The following CTSH variants were observed in gnomAD, a reference collection of about 807,000 sequenced individuals.
The protein encoded by CTSH is pro-cathepsin H.
In CTSH, 52 loss-of-function variants were observed where a neutral mutation model predicts 56.3. That is an observed-to-expected ratio of 0.92 (90% confidence interval 0.74 to 1.16). The LOEUF (loss-of-function observed/expected upper bound fraction) is 1.16, where lower values mean the gene tolerates loss of function less well. Among genes scored for constraint, CTSH ranks in the 50% most tolerant of loss-of-function variants. The pLI is 0.00. For synonymous variants in CTSH, 174 were observed against 155.7 expected (o/e 1.12, Z -0.88); for missense variants, 406 against 424.5 (o/e 0.96, Z 0.38).
chr15:78,941,026 T>G (rs1356062351), intron 1 of CTSH, among the ~76,000 whole-genome samples: 1 of 152,180 alleles, frequency 6.6e-6, no homozygotes, highest in Non-Finnish European at 1.5e-5. Flanking sequence ...GTTGAACACC[T>G]ATCTCCATCC....
chr15:78,936,487 C>G (rs778588796), intron 3 of CTSH, among the ~76,000 whole-genome samples: 1 of 152,158 alleles, frequency 6.6e-6, no homozygotes, highest in African/African-American at 2.4e-5. Flanking sequence ...GTTAGCATCC[C>G]TGGAGGTCAC....
intron 9 of CTSH, 191 bp downstream of exon 9, chr15:78,927,522 A>T (rs934156744): frequency 1.7e-6 from 1 of 589,044 alleles, no homozygotes; most frequent in Admixed American, 2.9e-5. Context: ...CCTGCCTGCC[A>T]GTTTGCGCTC....
chr15:78,925,310 C>T, intron 10 of CTSH, 24 bp downstream of exon 10: 15 of 1,502,006 alleles, frequency 1.0e-5, no homozygotes, highest in Non-Finnish European at 1.4e-5. Flanking sequence ...ACTGTCCCTC[C>T]TGGCTCCTGG....
Position 78,945,037 on chromosome 15 carries a change from A to G in CTSH, c.-56T>C. On this transcript the variant is annotated 5_prime_UTR_variant, in exon 1 of 12. Transcript: ENST00000220166. The stretch of plus-strand genomic sequence containing the variant: ...AGGGTCCGCGGAGGTGGCGGCCCAG[A>G]GCGTCAACTGGGAGCGCGGGGGGGG... The G allele has an allele frequency of 5.0e-6, 7 of 1,389,278 alleles. No individual in the cohort carries two copies. The highest frequency in any genetic ancestry group is 6.6e-6 in the Non-Finnish European group (7 of 1,058,800). The allele number at this position is 1,389,278 out of a possible 1,614,324, so 86.1% of individuals were successfully genotyped here.
At chr15:78,925,543 G>T in intron 9 of CTSH, 103 bp from the exon 10 acceptor site, 1 of 734,224 alleles carries the variant, frequency 1.4e-6, no homozygotes, top group Non-Finnish European at 2.4e-6. Context: ...GCCCAGAGCA[G>T]CATGGATGGC....
At position 78,937,403 on chromosome 15, in the gene CTSH, C is replaced by G; in HGVS notation, c.144G>C (p.Thr48=). 1 of 1,614,140 alleles carries G rather than the reference C, an allele frequency of 6.2e-7. No homozygotes were observed. Among genetic ancestry groups the G allele is most frequent in the Non-Finnish European group, 8.5e-7 (1 of 1,180,004 alleles). The change falls in exon 3 of 12, where the codon ACG becomes ACC. Residue 48 remains threonine (T), a synonymous_variant. Coordinates refer to ENST00000220166, the MANE Select transcript of CTSH (RefSeq NM_004390.5). ...TCTGCAGCCTGTGGTGGTACTCCTC[C>G]GTACTGTAGGTCTTACGGTGCTAAA... ...WMSKHRKTYS[T]EEYHHRLQTF...
chr15:78,937,886 T>C (rs970186379), intron 2 of CTSH: 14 of 1,068,214 alleles, frequency 1.3e-5, no homozygotes, highest in African/African-American at 1.3e-4. Flanking sequence ...TTGGTAAATG[T>C]AATATTTCGA....
At chr15:78,930,832 C>T (rs1033870931) in intron 7 of CTSH, among the ~76,000 whole-genome samples, 3 of 152,132 alleles carry the variant, frequency 2.0e-5, no homozygotes, top group Admixed American at 6.5e-5. Context: ...AGTCGAGGCA[C>T]GGCACCCCAA....
chr15:78,932,481 G>A lies in CTSH; in HGVS notation c.406-23C>T. 3 of 1,588,620 alleles carry A rather than the reference G, an allele frequency of 1.9e-6. No homozygotes were observed. The South Asian group carries it at 3.3e-5, about 18-fold the overall frequency. On this transcript the variant is annotated intron_variant, in intron 5 of 11. Transcript: ENST00000220166. ...ACCCTGGAAAGGCCAGGGGAGAGCA[G>A]AGGACATCAGTGATGGGGACGCCGT...
At chr15:78,935,805 A>G in intron 3 of CTSH, 55 bp from the exon 4 acceptor site, 3 of 1,336,978 alleles carry the variant, frequency 2.2e-6, no homozygotes. Flanking sequence ...TCACTAATGA[A>G]GAAACAAGAA....
At chr15:78,927,674 A>C in intron 9 of CTSH, 39 bp downstream of exon 9, 1 of 1,594,012 alleles carries the variant, frequency 6.3e-7, no homozygotes, top group African/African-American at 1.3e-5. Flanking sequence ...CCTCCTCATC[A>C]GGACACATTC....
rs1390929829 is a variant in CTSH, at chr15:78,939,173, T to C, written c.92-2A>G. On this transcript the variant is annotated splice_acceptor_variant, in intron 1 of 11. Coordinates refer to ENST00000220166, the MANE Select transcript of CTSH (RefSeq NM_004390.5). LOFTEE classifies it high-confidence loss of function. ...TCCATGACTTGAAGTGAAACTTCTC[T>C]GTAAAAAGAAAAAAAAAATTAGGTC... 1.3e-6 allele frequency: 2 copies of C among 1,552,706 alleles called. No homozygotes were observed. Among genetic ancestry groups the C allele is most frequent in the Non-Finnish European group, 1.7e-6 (2 of 1,147,280 alleles).
chr15:78,930,682 G>C (rs2055037273), intron 7 of CTSH, among the ~76,000 whole-genome samples: 1 of 152,214 alleles, frequency 6.6e-6, no homozygotes, highest in South Asian at 2.1e-4. Flanking sequence ...CACTGAGCAT[G>C]ATGGTGGATC....
chr15:78,925,343 A>T lies in CTSH; in HGVS notation c.797T>A (p.Ile266Asn). 1 of 1,609,504 alleles carries T rather than the reference A, an allele frequency of 6.2e-7. No homozygotes were observed. The highest frequency in any genetic ancestry group is 8.5e-7 in the Non-Finnish European group (1 of 1,175,940). ...TQDFMMYRTG[I>N]YSSTSCHKTP... The stretch of plus-strand genomic sequence containing the variant: ...TGGGACCCTGACTCACCTGGAGTAG[A>T]TGCCGGTTCTATACATCATGAAGTC... The change falls in exon 10 of 12, where the codon ATC (isoleucine) becomes AAC (asparagine). Residue 266 changes from isoleucine to asparagine, a missense_variant. Transcript: ENST00000220166.
In CTSH at chr15:78,944,908, A is replaced by T. The variant is rs1447103926; in HGVS notation, c.74T>A (p.Leu25Gln). ...LGVPVCGAAE[L>Q]CVNSLEKFHF... ...CTGCGTACCTAAGGAGTTCACGCAC[A>T]GTTCGGCGGCACCGCAGACGGGGAC... Residue 25 changes from leucine (L) to glutamine (Q), a missense_variant, in exon 1 of 12, where the codon CTG (leucine) becomes CAG (glutamine). Physicochemically the swap from Leu to Gln is moderately radical, Grantham distance 113. Transcript: ENST00000220166. 2 of 1,548,562 alleles carry T rather than the reference A, an allele frequency of 1.3e-6. No homozygotes were observed. The highest frequency in any genetic ancestry group is 2.7e-5 in the African/African-American group (2 of 72,956).
chr15:78,938,977 A>G (rs2055232535), intron 2 of CTSH, among the ~76,000 whole-genome samples, 163 bp downstream of exon 2: 1 of 152,238 alleles, frequency 6.6e-6, no homozygotes. Context: ...AATTTACTTA[A>G]CTGCATCTTT....
chr15:78,921,242 C>T lies in CTSH; in HGVS notation c.*888G>A, dbSNP rs928887035. On this transcript the variant is annotated 3_prime_UTR_variant, in exon 12 of 12. Transcript: ENST00000220166. Reference sequence around the variant, plus strand: ...GGTGGACTCCAGCTTGTTCTACAGACATCCCAGAGCCCGGAGGCTTCAGGA... The same window carrying T: ...GGTGGACTCCAGCTTGTTCTACAGATATCCCAGAGCCCGGAGGCTTCAGGA... The T allele has an allele frequency of 6.6e-6, 1 of 152,200 alleles. No individual in the cohort carries two copies. Among genetic ancestry groups the T allele is most frequent in the African/African-American group, 2.4e-5 (1 of 41,440 alleles). 9.4% of individuals were successfully genotyped at this position (152,200 alleles called of 1,614,324 possible).
In CTSH at chr15:78,944,894, A is replaced by G; in HGVS notation, c.88T>C (p.Leu30=). ...GGGCGGCGCGCCCTCTGCGTACCTA[A>G]GGAGTTCACGCACAGTTCGGCGGCA... The part of the protein sequence containing the change: ...CGAAELCVNS[L]EKFHFKSWMS... Residue 30 remains leucine, a synonymous_variant, in exon 1 of 12, where the codon TTA becomes CTA. Transcript: ENST00000220166. 1 of 1,547,968 alleles carries G rather than the reference A, an allele frequency of 6.5e-7. No homozygotes were observed. The highest frequency in any genetic ancestry group is 1.2e-5 in the South Asian group (1 of 83,754).
chr15:78,923,652 C>G (rs998520110), intron 10 of CTSH, among the ~76,000 whole-genome samples: 1 of 152,188 alleles, frequency 6.6e-6, no homozygotes, highest in East Asian at 1.9e-4. Flanking sequence ...TGGCCCGTGT[C>G]TCACCCCTGA....
Sources: allele counts gnomAD v4.1 joint callset (sites outside exome capture counted in the v4.1 genomes callset), GRCh38; gene constraint gnomAD v4.1.1; transcripts MANE v1.5; gene names NCBI Gene and HGNC (gene_info 2026-07-23, HGNC 2026-07-21).